UGGT2: variants seen among roughly 807,000 people sequenced by gnomAD.
UGGT2 encodes UDP-glucose glycoprotein glucosyltransferase 2.
Under a neutral mutation model 192.1 loss-of-function variants are expected in UGGT2, and 180 were observed. That is an observed-to-expected ratio of 0.94 (90% CI 0.83 to 1.06). The LOEUF is 1.06. Among genes scored for constraint, UGGT2 ranks in the 50% least tolerant of loss-of-function variants. The probability of loss-of-function intolerance (pLI) is 0.00; values close to 1 mark genes in which losing one functional copy is unlikely to be tolerated. For synonymous variants in UGGT2, 580 were observed against 591.0 expected (o/e 0.98, Z 0.27); for missense variants, 1,849 against 1,795.7 (o/e 1.03, Z -0.54).
At chr13:96,017,345 T>A (rs1387847661) in intron 4 of UGGT2, among the ~76,000 whole-genome samples, 1 of 152,146 alleles carries the variant, frequency 6.6e-6, no homozygotes, top group African/African-American at 2.4e-5. Context: ...GAAATGCAAT[T>A]CCCAGGGGCC....
intron 20 of UGGT2, among the ~76,000 whole-genome samples, chr13:95,919,052 G>A (rs1462932949): frequency 2.6e-5 from 4 of 152,100 alleles, no homozygotes; most frequent in East Asian, 1.9e-4. Flanking sequence ...CCCAGGATGC[G>A]ACGTTGGTTC....
In UGGT2 at chr13:96,013,393, T is replaced by C. The variant is rs778186407; in HGVS notation, c.574A>G (p.Thr192Ala). The change falls in exon 5 of 39, where the codon ACT becomes GCT. Residue 192 changes from threonine to alanine, a missense_variant. Physicochemically the swap from Thr to Ala is moderately conservative, Grantham distance 58. Coordinates refer to ENST00000376747, the MANE Select transcript of UGGT2 (RefSeq NM_020121.4). Reference sequence around the variant, plus strand: ...TTGTGAAATGCACTAAATGTTCTAGTACCCATTTCGGCATAGAGAATCACC... The same window carrying C: ...TTGTGAAATGCACTAAATGTTCTAGCACCCATTTCGGCATAGAGAATCACC... Reference protein sequence around the residue: ...PVVILYAEMGTRTFSAFHKVL... With the variant: ...PVVILYAEMGARTFSAFHKVL... 1.2e-6 allele frequency: 2 copies of C among 1,607,964 alleles called. No individual in the cohort carries two copies. Among genetic ancestry groups the C allele is most frequent in the South Asian group, 1.1e-5 (1 of 89,232 alleles).
chr13:95,808,577 C>T (rs960159934), intron 38 of UGGT2, among the ~76,000 whole-genome samples: 1 of 152,120 alleles, frequency 6.6e-6, no homozygotes. Flanking sequence ...CAATTCTTCA[C>T]ATATGTACCA....
At chr13:95,977,937 T>C (rs529951205) in intron 10 of UGGT2, among the ~76,000 whole-genome samples, 5 of 151,900 alleles carry the variant, frequency 3.3e-5, no homozygotes, top group Admixed American at 1.3e-4. Flanking sequence ...CAAACTAACA[T>C]AGGAACAGAA....
chr13:95,979,548 C>CAAAAAAAAAAAAAAAAAAA (rs57487353), intron 10 of UGGT2, among the ~76,000 whole-genome samples: 2 of 98,804 alleles, frequency 2.0e-5, no homozygotes, highest in Admixed American at 1.2e-4. Flanking sequence ...GTCTCTTACG[C>CAAAAAAAAAAAAAAAAAAA]AAAAAAAAAA....
chr13:95,845,224 G>C (rs187444158), intron 36 of UGGT2, among the ~76,000 whole-genome samples: 5 of 151,766 alleles, frequency 3.3e-5, no homozygotes, highest in Non-Finnish European at 5.9e-5. Context: ...GTTTCTCGGA[G>C]AGCGGGATTT....
At chr13:95,830,220 G>A (rs186324762) in intron 38 of UGGT2, among the ~76,000 whole-genome samples, 1 of 152,264 alleles carries the variant, frequency 6.6e-6, no homozygotes, top group East Asian at 1.9e-4. Context: ...ACAGGCATGG[G>A]CAAGGACTTC....
chr13:95,983,868 GA>G lies in UGGT2; in HGVS notation c.1032-5del. The G allele has an allele frequency of 2.6e-6, 4 of 1,539,810 alleles. No individual in the cohort carries two copies. Among genetic ancestry groups the G allele is most frequent in the Admixed American group, 2.0e-5 (1 of 51,176 alleles). On this transcript the variant is annotated splice_polypyrimidine_tract_variant and splice_region_variant and intron_variant, in intron 9 of 38. Coordinates refer to ENST00000376747, the MANE Select transcript of UGGT2 (RefSeq NM_020121.4). ...TACAGCAATTCTGGTTAGAGATCTG[GA>G]AAAATGAATACTAATATAATTGATC...
intron 1 of UGGT2, among the ~76,000 whole-genome samples, chr13:96,034,080 C>T (rs1270294662): frequency 2.6e-5 from 4 of 152,142 alleles, no homozygotes; most frequent in Admixed American, 6.5e-5. Flanking sequence ...CACACACTTA[C>T]CCCCCTCTGA....
At chr13:95,903,183 T>G (rs2048162724) in intron 20 of UGGT2, 123 bp from the exon 21 acceptor site, 2 of 891,312 alleles carry the variant, frequency 2.2e-6, no homozygotes, top group Non-Finnish European at 3.3e-6. Context: ...ATCAAAGCCC[T>G]CCCATGTTTA....
chr13:95,887,992 T>A, intron 25 of UGGT2, 21 bp from the exon 26 acceptor site: 1 of 1,496,258 alleles, frequency 6.7e-7, no homozygotes, highest in Non-Finnish European at 9.2e-7. Flanking sequence ...GAAATTCCCA[T>A]GTTTGATATT....
chr13:95,974,880 G>A (rs1036725705), intron 10 of UGGT2, among the ~76,000 whole-genome samples: 7 of 152,036 alleles, frequency 4.6e-5, no homozygotes, highest in Non-Finnish European at 8.8e-5. Flanking sequence ...TCAGGAGTAT[G>A]AGACCAGCCT....
chr13:95,946,572 T>C (rs1239722845), intron 15 of UGGT2, among the ~76,000 whole-genome samples: 2 of 152,118 alleles, frequency 1.3e-5, no homozygotes, highest in Non-Finnish European at 2.9e-5. Context: ...GGTCTCACTG[T>C]GTTGCCTATG....
At chr13:95,877,180 C>G in intron 29 of UGGT2, 99 bp downstream of exon 29, 1 of 1,042,634 alleles carries the variant, frequency 9.6e-7, no homozygotes, top group South Asian at 2.0e-5. Flanking sequence ...CTGCGCCAGG[C>G]CAATCTTAAC....
intron 38 of UGGT2, among the ~76,000 whole-genome samples, chr13:95,818,329 C>A (rs912663425): frequency 2.6e-5 from 4 of 152,164 alleles, no homozygotes; most frequent in African/African-American, 9.7e-5. Context: ...AAAAGAAAAT[C>A]TTTGCATTGA....
chr13:95,815,457 A>G (rs1884785566), intron 38 of UGGT2, among the ~76,000 whole-genome samples: 1 of 152,204 alleles, frequency 6.6e-6, no homozygotes, highest in East Asian at 1.9e-4. Flanking sequence ...TTAGCAACCA[A>G]CAAGAAATTT....
chr13:95,933,625 C>T (rs1201233937), intron 17 of UGGT2, among the ~76,000 whole-genome samples: 1 of 151,812 alleles, frequency 6.6e-6, no homozygotes, highest in African/African-American at 2.4e-5. Context: ...CTTGTTTTTC[C>T]TAATTCCTCT....
chr13:95,887,765 C>T (rs12871416), intron 26 of UGGT2, 127 bp downstream of exon 26: 88,941 of 607,682 alleles, frequency 0.15, 7,039 homozygotes, highest in Middle Eastern at 0.2. Context: ...ATAGTCTGAC[C>T]TTCTGACTTA....
intron 17 of UGGT2, among the ~76,000 whole-genome samples, chr13:95,935,689 G>A (rs768150980): frequency 5.3e-5 from 8 of 152,036 alleles, no homozygotes; most frequent in African/African-American, 1.9e-4. Flanking sequence ...AGCAAGATGA[G>A]GGAAATTTTC....
Sources: gnomAD v4.1 joint callset for allele counts (sites outside exome capture counted in the v4.1 genomes callset) on GRCh38, gnomAD v4.1.1 for gene constraint, MANE v1.5 for transcripts, NCBI Gene and HGNC (gene_info 2026-07-23, HGNC 2026-07-21) for gene names.